Variants in FARP2 observed in about 807,000 individuals in gnomAD.
FARP2 encodes the protein FERM, ARH/RhoGEF and pleckstrin domain protein 2.
A neutral mutation model predicts 130.5 loss-of-function variants in FARP2; 111 were observed. The ratio of observed to expected loss-of-function variants is 0.85; its 90% confidence interval spans 0.73 to 1.00. FARP2 has a LOEUF of 1.00. FARP2 is among the 50% of genes least tolerant of loss of function. The pLI, the probability that FARP2 is intolerant of heterozygous loss-of-function variation, is 0.00. For synonymous variants in FARP2, 504 were observed against 516.9 expected (o/e 0.98, Z 0.34); for missense variants, 1,385 against 1,346.3 (o/e 1.03, Z -0.45).
intron 2 of FARP2, among the ~76,000 whole-genome samples, 170 bp downstream of exon 2, chr2:241,373,460 T>A (rs2061466968): frequency 6.6e-6 from 1 of 152,234 alleles, no homozygotes; most frequent in South Asian, 2.1e-4. Context: ...CTCCTTTTAT[T>A]TGGAAAGTGG....
At chr2:241,448,399 A>G (rs577651988) in intron 13 of FARP2, among the ~76,000 whole-genome samples, 1 of 152,366 alleles carries the variant, frequency 6.6e-6, no homozygotes, top group Non-Finnish European at 1.5e-5. Flanking sequence ...TGTTCTTCAA[A>G]TATGTCAGTT....
chr2:241,420,477 A>T (rs997456388), intron 8 of FARP2, among the ~76,000 whole-genome samples: 1 of 152,204 alleles, frequency 6.6e-6, no homozygotes, highest in Non-Finnish European at 1.5e-5. Flanking sequence ...TCATTTTTGA[A>T]CCTTCAGAAT....
intron 11 of FARP2, among the ~76,000 whole-genome samples, 163 bp downstream of exon 11, chr2:241,435,193 A>G (rs1309788990): frequency 1.3e-5 from 2 of 152,096 alleles, no homozygotes; most frequent in African/African-American, 2.4e-5. Flanking sequence ...TCCTGGGCTC[A>G]AGCAATCCTC....
At chr2:241,368,627 C>T (rs2061364176) in intron 1 of FARP2, among the ~76,000 whole-genome samples, 1 of 152,052 alleles carries the variant, frequency 6.6e-6, no homozygotes, top group African/African-American at 2.4e-5. Flanking sequence ...TGCCGGTATT[C>T]TATTAATGTA....
intron 2 of FARP2, among the ~76,000 whole-genome samples, chr2:241,394,250 G>A (rs768722281): frequency 3.3e-5 from 5 of 152,192 alleles, no homozygotes; most frequent in Non-Finnish European, 7.3e-5. Context: ...CAGGTGCTTT[G>A]GCTCACGCCT....
Position 241,459,494 on chromosome 2 carries a change from C to T in FARP2, c.1587+2572C>T, listed in dbSNP as rs1188798766. Among the ~76,000 whole-genome samples the T allele has an allele frequency of 6.6e-6, 1 of 152,218 alleles. No individual in the cohort carries two copies. Among genetic ancestry groups the T allele is most frequent in the Non-Finnish European group, 1.5e-5 (1 of 68,032 alleles). ...CAGCTGGTGCCCTCCTCCCCAGTGT[C>T]TCCCACTTGATGCACTGTTTGTCCC... On this transcript the variant is annotated intron_variant, in intron 14 of 26. Coordinates refer to ENST00000264042, the MANE Select transcript of FARP2 (RefSeq NM_014808.4). The surrounding 1 kb of genome is among the most constrained non-coding windows in gnomAD (Gnocchi z 5.3).
rs529164545 is a variant in FARP2, at chr2:241,441,758, G to A, written c.1411+202G>A. 6.6e-6 allele frequency: 5 copies of A among 758,952 alleles called. No homozygotes were observed. In the African/African-American group the frequency reaches 8.8e-5, roughly 13 times the overall value. The allele number at this position is 758,952 out of a possible 1,614,324, so 47.0% of individuals were successfully genotyped here. A position where few individuals can be genotyped will look rare whatever the true frequency, so the allele number is the denominator to read the frequency against. On this transcript the variant is annotated intron_variant, in intron 13 of 26. Transcript: ENST00000264042. ...CGGTGTGACCGGCAGTGTCGTGGGG[G>A]GGCCCCTGCTTTCACATTGACAAAT...
chr2:241,468,254 T>G lies in FARP2; in HGVS notation c.2008T>G (p.Cys670Gly). The G allele has an allele frequency of 6.2e-7, 1 of 1,614,022 alleles. No homozygotes were observed. Among genetic ancestry groups the G allele is most frequent in the Non-Finnish European group, 8.5e-7 (1 of 1,179,988 alleles). Residue 670 changes from cysteine (C) to glycine (G), a missense_variant, in exon 18 of 27, where the codon TGC becomes GGC. By Grantham distance (159) the Cys-to-Gly change is radical. Coordinates refer to ENST00000264042, the MANE Select transcript of FARP2 (RefSeq NM_014808.4). ...VYKEFELQKVCYLPLNTFLLK... is the reference protein window; with the variant it reads ...VYKEFELQKVGYLPLNTFLLK... ...CAAGGAGTTTGAGCTGCAGAAGGTC[T>G]GCTACTTGCCTCTCAACACGTTCCT... is the stretch of plus-strand genomic sequence containing the variant.
chr2:241,418,010 A>G lies in FARP2; in HGVS notation c.672A>G (p.Arg224=), dbSNP rs376366384. The stretch of plus-strand genomic sequence containing the variant: ...ATTTCCAGGTGCTCGAAATTGCTCG[A>G]AAGTTGGAAATGTACGGCATCAGAT... The part of the protein sequence containing the change: ...ESDFQVLEIA[R]KLEMYGIRFH... Residue 224 remains arginine, a synonymous_variant, in exon 8 of 27, where the codon CGA becomes CGG. Coordinates refer to ENST00000264042, the MANE Select transcript of FARP2 (RefSeq NM_014808.4). The G allele has an allele frequency of 2.5e-6, 4 of 1,614,160 alleles. No individual in the cohort carries two copies. The highest frequency in any genetic ancestry group is 2.5e-6 in the Non-Finnish European group (3 of 1,180,030).
rs1050839648 is a variant in FARP2 at position 241,494,753 on chromosome 2, C to G, written c.*628C>G. 3.9e-5 allele frequency: 6 copies of G among 152,248 alleles called. No homozygotes were observed. Among genetic ancestry groups the G allele is most frequent in the African/African-American group, 1.2e-4 (5 of 41,454 alleles). The allele number at this position is 152,248 out of a possible 1,614,324, so 9.4% of individuals were successfully genotyped here. A position where few individuals can be genotyped will look rare whatever the true frequency, so the allele number is the denominator to read the frequency against. ...GAGGGTGGGGCCGTCTAATTTATTA[C>G]TGCCCAGCATTCCTTCCAACGGGAA... On this transcript the variant is annotated 3_prime_UTR_variant, in exon 27 of 27. Transcript: ENST00000264042. This position sits in a 1 kb window ranked among gnomAD's most constrained non-coding sequence, Gnocchi z 4.9.
chr2:241,442,673 A>G, intron 13 of FARP2: 3 of 340,762 alleles, frequency 8.8e-6, no homozygotes, highest in Non-Finnish European at 1.7e-5. Flanking sequence ...CTGATTTATT[A>G]TACTTTTTTG....
At chr2:241,477,123 C>CTTT (rs71406462) in intron 19 of FARP2, among the ~76,000 whole-genome samples, 28,407 of 122,194 alleles carry the variant, frequency 0.23, 3,565 homozygotes, top group Non-Finnish European at 0.3. Context: ...ATTCATGTTC[C>CTTT]TTTTTTTTTT....
chr2:241,361,040 AAAC>A (rs1456855620), intron 1 of FARP2, among the ~76,000 whole-genome samples: 3 of 151,848 alleles, frequency 2.0e-5, no homozygotes, highest in Non-Finnish European at 4.4e-5. Context: ...AAAAAAAAAA[AAAC>A]ACACATCTTA....
chr2:241,467,212 C>T (rs1029065898), intron 17 of FARP2, among the ~76,000 whole-genome samples: 1 of 152,172 alleles, frequency 6.6e-6, no homozygotes, highest in Non-Finnish European at 1.5e-5. Context: ...GCTATGATCG[C>T]ACCACTGCAC....
At chr2:241,440,074 C>T (rs1024274432) in intron 12 of FARP2, among the ~76,000 whole-genome samples, 1 of 152,276 alleles carries the variant, frequency 6.6e-6, no homozygotes, top group Middle Eastern at 3.4e-3. Context: ...ATAAGATCAG[C>T]ATTTGAAAAT....
intron 2 of FARP2, among the ~76,000 whole-genome samples, chr2:241,399,277 A>G (rs2062103249): frequency 6.6e-6 from 1 of 151,950 alleles, no homozygotes; most frequent in Non-Finnish European, 1.5e-5. Context: ...GTAGATCTTT[A>G]TATATGTTGA....
chr2:241,482,936 C>T lies in FARP2; in HGVS notation c.2263-529C>T, dbSNP rs781326258. ...TGCTAATTTGAATACTTAGGAGAAC[C>T]CTCCTTTCCTCCTCCCATTCTCGAA... is the stretch of plus-strand genomic sequence containing the variant. On this transcript the variant is annotated intron_variant, in intron 19 of 26. Transcript: ENST00000264042. The surrounding 1 kb of genome is among the most constrained non-coding windows in gnomAD (Gnocchi z 4.6). Among the ~76,000 whole-genome samples the T allele has an allele frequency of 1.3e-5, 2 of 151,872 alleles. No individual in the cohort carries two copies. Among genetic ancestry groups the T allele is most frequent in the African/African-American group, 4.8e-5 (2 of 41,314 alleles).
At chr2:241,437,662 A>ATTTTTTTTTTTTTTTTTTTTTTT (rs1254102658) in intron 12 of FARP2, among the ~76,000 whole-genome samples, 1 of 135,416 alleles carries the variant, frequency 7.4e-6, no homozygotes. Flanking sequence ...TTATTTATTT[A>ATTTTTTTTTTTTTTTTTTTTTTT]TTTATTTATT....
chr2:241,372,702 G>T (rs943378539), intron 1 of FARP2: 1 of 153,828 alleles, frequency 6.5e-6, no homozygotes, highest in Non-Finnish European at 1.4e-5. Context: ...GGCTGGTGGC[G>T]AGAGGTGTGC....
Sources: allele counts gnomAD v4.1 joint callset (sites outside exome capture counted in the v4.1 genomes callset), GRCh38; gene constraint gnomAD v4.1.1; non-coding constraint Gnocchi (gnomAD v3.1); transcripts MANE v1.5; gene names NCBI Gene and HGNC (gene_info 2026-07-23, HGNC 2026-07-21).